DGKB: variants seen among roughly 807,000 people sequenced by gnomAD.
DGKB encodes 90 kDa diacylglycerol kinase.
DGKB carries 67 observed loss-of-function variants against 114.3 expected under a neutral mutation model. The ratio of observed to expected loss-of-function variants is 0.59; its 90% CI spans 0.48 to 0.72. The LOEUF (loss-of-function observed/expected upper bound fraction) is 0.72. Among genes scored for constraint, DGKB ranks in the 30% least tolerant of loss-of-function variants. DGKB has a pLI of 0.00. For synonymous variants in DGKB, 398 were observed against 323.1 expected (o/e 1.23, Z -2.49); for missense variants, 907 against 975.2 (o/e 0.93, Z 0.93).
chr7:14,304,645 G>A (rs1194678387), intron 23 of DGKB, among the ~76,000 whole-genome samples: 1 of 152,076 alleles, frequency 6.6e-6, no homozygotes, highest in African/African-American at 2.4e-5. Context: ...TTAGTGTCCA[G>A]TAGCATGTTT....
At chr7:14,374,432 T>A (rs769222767) in intron 21 of DGKB, among the ~76,000 whole-genome samples, 2 of 152,218 alleles carry the variant, frequency 1.3e-5, no homozygotes, top group Non-Finnish European at 2.9e-5. Context: ...CATTAGCATC[T>A]CTCTTTGCAA....
At chr7:14,817,363 T>C (rs566380993) in intron 2 of DGKB, among the ~76,000 whole-genome samples, 2 of 152,316 alleles carry the variant, frequency 1.3e-5, no homozygotes, top group East Asian at 3.9e-4. Context: ...GTGTCTAGGC[T>C]CAAAATTTGG....
Position 14,225,200 on chromosome 7 carries a change from T to G in DGKB, c.2123-47049A>C, listed in dbSNP as rs138754239. ...GGGAAGAGATATGGAGCTTTCTGTT[T>G]TGCAGTCTGTTTCTTCCCTTCGCAA... is the stretch of plus-strand genomic sequence containing the variant. On this transcript the variant is annotated intron_variant, in intron 23 of 25. Transcript: ENST00000402815. Among the ~76,000 whole-genome samples the G allele has an allele frequency of 6.3e-3, 953 of 152,198 alleles. 12 individuals carry two copies. Among genetic ancestry groups the G allele is most frequent in the African/African-American group, 0.022 (919 of 41,554 alleles).
Position 14,700,444 on chromosome 7 carries a change from T to C in DGKB, c.516+1237A>G, listed in dbSNP as rs181832000. 5.3e-3 allele frequency among the ~76,000 whole-genome samples: 800 copies of C among 152,146 alleles called. 5 individuals are homozygous for C. Among genetic ancestry groups the C allele is most frequent in the African/African-American group, 0.018 (743 of 41,524 alleles). On this transcript the variant is annotated intron_variant, in intron 7 of 25. Transcript: ENST00000402815. ...GGCCAGCTGGTCTCAAACTCCTGAC[T>C]TCAGGTGATCGCCTGCCCGTCTTGG...
chr7:14,973,294 G>A (rs1405608442), intron 1 of DGKB, among the ~76,000 whole-genome samples: 1 of 151,544 alleles, frequency 6.6e-6, no homozygotes, highest in African/African-American at 2.4e-5. Context: ...ATTTTTAATT[G>A]AAATTAAATG....
chr7:14,609,020 T>C (rs59826932), intron 16 of DGKB, among the ~76,000 whole-genome samples: 9,706 of 152,132 alleles, frequency 0.064, 1,035 homozygotes, highest in African/African-American at 0.22. Flanking sequence ...ACTATTTCTA[T>C]GAAACTACCA....
In DGKB at chr7:14,693,950, A is replaced by G. The variant is rs900078316; in HGVS notation, c.711+125T>C. ...AAATTGCACCGTGGCATACTTATTA[A>G]AAGTTCCAGGCACTCACTGCATGCT... On this transcript the variant is annotated intron_variant, in intron 9 of 25. Transcript: ENST00000402815. 19 of 1,110,334 alleles carry G rather than the reference A, an allele frequency of 1.7e-5. No homozygotes were observed. In the East Asian group the frequency reaches 2.4e-4, roughly 14 times the overall value. The allele number at this position is 1,110,334 out of a possible 1,614,324, so 68.8% of individuals were successfully genotyped here. A position where few individuals can be genotyped will look rare whatever the true frequency, so the allele number is the denominator to read the frequency against.
chr7:14,874,526 AT>A (rs1852965647), intron 1 of DGKB, among the ~76,000 whole-genome samples: 1 of 152,002 alleles, frequency 6.6e-6, no homozygotes, highest in African/African-American at 2.4e-5. Flanking sequence ...CCACTACAAT[AT>A]TTTACAAAGC....
At chr7:14,720,435 G>C (rs960004487) in intron 5 of DGKB, among the ~76,000 whole-genome samples, 1 of 151,534 alleles carries the variant, frequency 6.6e-6, no homozygotes, top group African/African-American at 2.4e-5. Context: ...CTCCTGAGTA[G>C]CTGGGATTAC....
chr7:14,196,798 T>TA lies in DGKB; in HGVS notation c.2123-18648dup, dbSNP rs199760144. 7.2e-3 allele frequency among the ~76,000 whole-genome samples: 1,066 copies of TA among 148,924 alleles called. 10 individuals carry two copies. Among genetic ancestry groups the TA allele is most frequent in the Middle Eastern group, 0.048 (14 of 292 alleles). The stretch of plus-strand genomic sequence containing the variant: ...TGACAAGTTTCCAAAGAGCTTGAAT[T>TA]AAAAAAAAAATAAGCCCTTGTATAT... On this transcript the variant is annotated intron_variant, in intron 23 of 25. Transcript: ENST00000402815.
chr7:14,845,435 G>A (rs753456241), intron 1 of DGKB, among the ~76,000 whole-genome samples: 2 of 152,098 alleles, frequency 1.3e-5, no homozygotes, highest in Non-Finnish European at 2.9e-5. Flanking sequence ...GAGCCCTGAT[G>A]GAATTTCACA....
chr7:14,473,805 C>T (rs1052614880), intron 21 of DGKB, among the ~76,000 whole-genome samples: 1 of 152,166 alleles, frequency 6.6e-6, no homozygotes, highest in African/African-American at 2.4e-5. Context: ...TTTTACTGCC[C>T]CACTGGATTT....
At chr7:14,886,456 A>C (rs1483377082) in intron 1 of DGKB, among the ~76,000 whole-genome samples, 1 of 151,788 alleles carries the variant, frequency 6.6e-6, no homozygotes. Flanking sequence ...CAGCAAACCA[A>C]AGACTCCTGC....
At chr7:14,496,550 T>C (rs989654720) in intron 20 of DGKB, among the ~76,000 whole-genome samples, 9 of 151,776 alleles carry the variant, frequency 5.9e-5, no homozygotes, top group Non-Finnish European at 1.3e-4. Context: ...ATTGAGCACC[T>C]ATTGTATGCC....
intron 1 of DGKB, among the ~76,000 whole-genome samples, chr7:14,968,513 T>C (rs1990015): frequency 0.33 from 50,442 of 152,022 alleles, 9,620 homozygotes; most frequent in East Asian, 0.7. Flanking sequence ...ATCCCAACTG[T>C]CTTTTCCCAT....
At chr7:14,571,490 G>T (rs559648522) in intron 20 of DGKB, among the ~76,000 whole-genome samples, 16 of 152,292 alleles carry the variant, frequency 1.1e-4, no homozygotes, top group African/African-American at 3.6e-4. Flanking sequence ...CAGCAGATTG[G>T]CCAGAGATTT....
At position 14,838,471 on chromosome 7, in the gene DGKB, G is replaced by T. The variant is rs568684986; in HGVS notation, c.70+2723C>A. Among the ~76,000 whole-genome samples the T allele has an allele frequency of 5.3e-5, 8 of 152,160 alleles. No individual in the cohort carries two copies. In the South Asian group the frequency reaches 6.2e-4, roughly 12 times the overall value. ...GCCAAACTCAATGCTTTCTTTACTT[G>T]ACAGATATCACCATAATCCCTTCTT... On this transcript the variant is annotated intron_variant, in intron 2 of 25. Transcript: ENST00000402815.
intron 1 of DGKB, among the ~76,000 whole-genome samples, chr7:14,910,149 G>T (rs1783908974): frequency 6.6e-6 from 1 of 151,798 alleles, no homozygotes; most frequent in South Asian, 2.1e-4. Context: ...GCTGAGGCAG[G>T]AGAATTGCTT....
rs778991113 is a variant in DGKB, at chr7:14,579,788, T to TA, written c.1609+1073dup. On this transcript the variant is annotated intron_variant, in intron 19 of 25. Coordinates refer to ENST00000402815, the MANE Select transcript of DGKB (RefSeq NM_001350709.2). ...ATCAGAGTTACTTAGGGAGTTTGTT[T>TA]AAAAAAAAAAATCATCTGCTCAGGT... Among the ~76,000 whole-genome samples the TA allele has an allele frequency of 5.5e-3, 824 of 148,542 alleles. 4 individuals carry two copies. The highest frequency in any genetic ancestry group is 0.014 in the African/African-American group (552 of 40,638).
Sources: gnomAD v4.1 joint callset for allele counts (sites outside exome capture counted in the v4.1 genomes callset) on GRCh38, gnomAD v4.1.1 for gene constraint, MANE v1.5 for transcripts, NCBI Gene and HGNC (gene_info 2026-07-23, HGNC 2026-07-21) for gene names.